The following ZFAND3 variants were observed in gnomAD, a reference collection of about 807,000 sequenced individuals.
The protein encoded by ZFAND3 is zinc finger AN1-type containing 3.
Under a neutral mutation model 29.6 loss-of-function variants are expected in ZFAND3, and 10 were observed. The ratio of observed to expected loss-of-function variants is 0.34; its 90% CI spans 0.21 to 0.57. The LOEUF is 0.57. ZFAND3 is among the 20% of genes least tolerant of loss of function. The probability of loss-of-function intolerance (pLI) is 0.86; values close to 1 mark genes in which losing one functional copy is unlikely to be tolerated. For synonymous variants in ZFAND3, 128 were observed against 112.6 expected (o/e 1.14, Z -0.87); for missense variants, 230 against 304.5 (o/e 0.76, Z 1.82).
chr6:38,135,516 G>A (rs1765822248), intron 5 of ZFAND3, among the ~76,000 whole-genome samples: 1 of 152,124 alleles, frequency 6.6e-6, no homozygotes, highest in African/African-American at 2.4e-5. Flanking sequence ...AGGCCAAGGC[G>A]GGTGGATCAC....
intron 5 of ZFAND3, among the ~76,000 whole-genome samples, chr6:38,144,191 A>ATTATATATATATATATTT (rs1454244015): frequency 7.2e-5 from 3 of 41,808 alleles, no homozygotes; most frequent in African/African-American, 3.6e-4. Flanking sequence ...TATAATATAT[A>ATTATATATATATATATTT]TATATATATA....
chr6:37,916,960 G>T (rs150797393), intron 1 of ZFAND3, among the ~76,000 whole-genome samples: 1 of 152,266 alleles, frequency 6.6e-6, no homozygotes, highest in East Asian at 1.9e-4. Context: ...GACTGTCATG[G>T]TATCTGTCAT....
intron 2 of ZFAND3, among the ~76,000 whole-genome samples, chr6:38,059,827 G>A (rs1286244486): frequency 2.6e-5 from 4 of 152,126 alleles, no homozygotes; most frequent in Non-Finnish European, 5.9e-5. Context: ...AGTGAGCCGA[G>A]ATCATGCCAC....
At chr6:37,886,541 T>TC (rs1252614478) in intron 1 of ZFAND3, among the ~76,000 whole-genome samples, 2 of 152,206 alleles carry the variant, frequency 1.3e-5, no homozygotes, top group Non-Finnish European at 2.9e-5. Flanking sequence ...CAGGAGATTT[T>TC]CTGCAGTCAT....
At chr6:38,023,551 T>A (rs1037845271) in intron 2 of ZFAND3, among the ~76,000 whole-genome samples, 6 of 152,172 alleles carry the variant, frequency 3.9e-5, no homozygotes, top group Non-Finnish European at 7.4e-5. Context: ...AAATAAGATT[T>A]GAAAGTTTTA....
At chr6:37,980,789 T>C (rs1167979962) in intron 2 of ZFAND3, among the ~76,000 whole-genome samples, 4 of 152,198 alleles carry the variant, frequency 2.6e-5, no homozygotes, top group Non-Finnish European at 5.9e-5. Context: ...TATTAAGTCA[T>C]TTTTCATCTC....
At chr6:37,955,094 A>C (rs976936900) in intron 2 of ZFAND3, among the ~76,000 whole-genome samples, 1 of 151,446 alleles carries the variant, frequency 6.6e-6, no homozygotes, top group Non-Finnish European at 1.5e-5. Context: ...CTGTCCTGCA[A>C]ATTCTAGCTG....
chr6:37,903,173 T>G (rs2127401615), intron 1 of ZFAND3, among the ~76,000 whole-genome samples: 1 of 152,332 alleles, frequency 6.6e-6, no homozygotes, highest in South Asian at 2.1e-4. Context: ...TTAAAACTTC[T>G]TTATTTATTG....
At chr6:37,939,012 CTT>C (rs1176569223) in intron 2 of ZFAND3, among the ~76,000 whole-genome samples, 2 of 152,142 alleles carry the variant, frequency 1.3e-5, no homozygotes, top group African/African-American at 2.4e-5. Context: ...GCTGTAGTCT[CTT>C]TGTGGTAGAC....
At chr6:37,908,035 T>A (rs971189676) in intron 1 of ZFAND3, among the ~76,000 whole-genome samples, 2 of 152,184 alleles carry the variant, frequency 1.3e-5, no homozygotes, top group Non-Finnish European at 2.9e-5. Context: ...CTTCTGTAGT[T>A]CCCACCCCGC....
At chr6:37,848,179 T>C (rs1489176115) in intron 1 of ZFAND3, among the ~76,000 whole-genome samples, 1 of 152,278 alleles carries the variant, frequency 6.6e-6, no homozygotes, top group Non-Finnish European at 1.5e-5. Flanking sequence ...GTCACTTGGC[T>C]TTGACAGTTG....
intron 1 of ZFAND3, among the ~76,000 whole-genome samples, chr6:37,837,993 TG>T (rs1764001142): frequency 6.6e-6 from 1 of 152,252 alleles, no homozygotes; most frequent in Non-Finnish European, 1.5e-5. Context: ...GAAGCTGTTT[TG>T]ATTTCACACC....
intron 1 of ZFAND3, among the ~76,000 whole-genome samples, chr6:37,869,699 T>C (rs1430189179): frequency 6.7e-6 from 1 of 149,374 alleles, no homozygotes; most frequent in African/African-American, 2.5e-5. Flanking sequence ...TTTTGTAGAG[T>C]TGGGGGTCTC....
At chr6:37,843,302 G>A (rs542473181) in intron 1 of ZFAND3, among the ~76,000 whole-genome samples, 10 of 151,876 alleles carry the variant, frequency 6.6e-5, no homozygotes, top group Admixed American at 2.0e-4. Context: ...TGGCTAACAC[G>A]GTGAAACCCC....
At chr6:38,041,631 T>TTTCTTCTTCTTCTTCTTC (rs1193585476) in intron 2 of ZFAND3, among the ~76,000 whole-genome samples, 12 of 56,248 alleles carry the variant, frequency 2.1e-4, no homozygotes, top group Admixed American at 3.3e-4. Flanking sequence ...TTATCTACTT[T>TTTCTTCTTCTTCTTCTTC]TTCTTCTTCT....
intron 1 of ZFAND3, among the ~76,000 whole-genome samples, chr6:37,874,043 C>T (rs1241981097): frequency 3.9e-5 from 6 of 152,094 alleles, no homozygotes; most frequent in African/African-American, 1.4e-4. Flanking sequence ...AATTTATTGT[C>T]TCATGATTCT....
chr6:38,034,464 A>G (rs1202832712), intron 2 of ZFAND3, among the ~76,000 whole-genome samples: 1 of 152,136 alleles, frequency 6.6e-6, no homozygotes, highest in Non-Finnish European at 1.5e-5. Flanking sequence ...CCAGTTCAAG[A>G]TATAAGGAGC....
At chr6:37,907,036 A>T (rs75149006) in intron 1 of ZFAND3, among the ~76,000 whole-genome samples, 4,527 of 148,370 alleles carry the variant, frequency 0.031, 178 homozygotes, top group African/African-American at 0.087. Flanking sequence ...CTTTTATTGG[A>T]TGCTTCCTTT....
At chr6:37,955,411 C>G (rs935189560) in intron 2 of ZFAND3, among the ~76,000 whole-genome samples, 3 of 152,130 alleles carry the variant, frequency 2.0e-5, no homozygotes, top group Non-Finnish European at 4.4e-5. Flanking sequence ...AAGGGACTTT[C>G]CGCTGTCCTG....
Sources: allele counts gnomAD v4.1 joint callset (sites outside exome capture counted in the v4.1 genomes callset), GRCh38; gene constraint gnomAD v4.1.1; transcripts MANE v1.5; gene names NCBI Gene and HGNC (gene_info 2026-07-23, HGNC 2026-07-21).